Variants in TNR observed in about 807,000 individuals in gnomAD.
TNR encodes tenascin-R.
Under a neutral mutation model 150.4 loss-of-function variants are expected in TNR, and 45 were observed. The ratio of observed to expected loss-of-function variants is 0.30; its 90% CI spans 0.24 to 0.38. The LOEUF (loss-of-function observed/expected upper bound fraction) is 0.38. TNR is among the 10% of genes least tolerant of loss of function. The pLI, the probability that TNR is intolerant of heterozygous loss-of-function variation, is 1.00. For missense variants in TNR, 1,544 were observed against 1,759.1 expected (o/e 0.88, Z 2.19); for synonymous variants, 687 against 678.4 (o/e 1.01, Z -0.20).
At chr1:175,531,509 G>A (rs1432622998) in intron 1 of TNR, among the ~76,000 whole-genome samples, 1 of 152,132 alleles carries the variant, frequency 6.6e-6, no homozygotes, top group African/African-American at 2.4e-5. Flanking sequence ...TGGGGTACAG[G>A]GCTCATGGTC....
intron 1 of TNR, among the ~76,000 whole-genome samples, chr1:175,640,791 G>GTATATATATATATATATATATACATATA (rs59240572): frequency 7.0e-5 from 10 of 143,648 alleles, no homozygotes; most frequent in African/African-American, 2.6e-4. Context: ...GTGTGTGTGG[G>GTATATATATATATATATATATACATATA]TATATATATA....
rs561738716 is a variant in TNR, at chr1:175,459,870, CAA to C, written c.-63-53095_-63-53094del. Among the ~76,000 whole-genome samples, 434 of 78,586 alleles carry C rather than the reference CAA, an allele frequency of 5.5e-3. 5 individuals are homozygous for C. The highest frequency in any genetic ancestry group is 0.028 in the African/African-American group (413 of 14,538). 51.6% of individuals were successfully genotyped at this position (78,586 alleles called of 152,430 possible). A position where few individuals can be genotyped will look rare whatever the true frequency, so the allele number is the denominator to read the frequency against. On this transcript the variant is annotated intron_variant, in intron 2 of 22. Coordinates refer to ENST00000367674, the MANE Select transcript of TNR (RefSeq NM_003285.3). Reference sequence around the variant, plus strand: ...TTCATCTCCTATTGAAATGAAAGAACAAGAGAGAGAGAGAGAGAGAGTAGAAA... The same window carrying C: ...TTCATCTCCTATTGAAATGAAAGAACGAGAGAGAGAGAGAGAGAGTAGAAA...
chr1:175,734,001 C>T (rs925665951), intron 1 of TNR, among the ~76,000 whole-genome samples: 2 of 152,208 alleles, frequency 1.3e-5, no homozygotes, highest in African/African-American at 4.8e-5. Flanking sequence ...AGCCAACCTT[C>T]CCTTGAGCTC....
Position 175,501,331 on chromosome 1 carries a change from G to A in TNR, c.-64+26938C>T, listed in dbSNP as rs550906400. On this transcript the variant is annotated intron_variant, in intron 2 of 22. Coordinates refer to ENST00000367674, the MANE Select transcript of TNR (RefSeq NM_003285.3). Reference sequence around the variant, plus strand: ...AATGTGACCATGTAGCTAGGACCTAGGGGTGAGCTGCAGAAGTTGAGATCA... The same window carrying A: ...AATGTGACCATGTAGCTAGGACCTAAGGGTGAGCTGCAGAAGTTGAGATCA... 7.9e-5 allele frequency among the ~76,000 whole-genome samples: 12 copies of A among 152,336 alleles called. No homozygotes were observed. In the South Asian group the frequency reaches 2.3e-3, roughly 29 times the overall value.
chr1:175,499,548 A>T (rs922678308), intron 2 of TNR, among the ~76,000 whole-genome samples: 2 of 152,012 alleles, frequency 1.3e-5, no homozygotes, highest in South Asian at 4.2e-4. Flanking sequence ...GAACAATCAG[A>T]CTCTGCACCC....
intron 2 of TNR, among the ~76,000 whole-genome samples, chr1:175,509,811 T>G (rs1659096889): frequency 6.6e-6 from 1 of 152,210 alleles, no homozygotes; most frequent in African/African-American, 2.4e-5. Flanking sequence ...CCAGGGACCA[T>G]CTTGTACTGT....
At chr1:175,398,889 A>C (rs912451054) in intron 4 of TNR, among the ~76,000 whole-genome samples, 1 of 152,246 alleles carries the variant, frequency 6.6e-6, no homozygotes, top group African/African-American at 2.4e-5. Flanking sequence ...TAGTTCATGT[A>C]GAGATAATTA....
chr1:175,696,303 G>A (rs998715292), intron 1 of TNR, among the ~76,000 whole-genome samples: 6 of 144,920 alleles, frequency 4.1e-5, no homozygotes, highest in Non-Finnish European at 7.5e-5. Flanking sequence ...ACAGGTAAAT[G>A]GGCGGGCCAG....
intron 1 of TNR, among the ~76,000 whole-genome samples, chr1:175,678,831 C>T (rs1345135366): frequency 6.6e-6 from 1 of 152,208 alleles, no homozygotes; most frequent in Non-Finnish European, 1.5e-5. Flanking sequence ...CCCTGCCCTT[C>T]TGGGAAGGCA....
At chr1:175,413,308 G>A (rs1363576612) in intron 2 of TNR, among the ~76,000 whole-genome samples, 1 of 152,256 alleles carries the variant, frequency 6.6e-6, no homozygotes, top group Non-Finnish European at 1.5e-5. Context: ...TTACAGGCAT[G>A]AGCCACCGCG....
intron 9 of TNR, among the ~76,000 whole-genome samples, chr1:175,378,868 C>A (rs922389396): frequency 6.6e-6 from 1 of 152,236 alleles, no homozygotes; most frequent in Non-Finnish European, 1.5e-5. Context: ...ATGGCATAAT[C>A]AAAAATGTAC....
At chr1:175,423,737 G>A (rs1654851837) in intron 2 of TNR, among the ~76,000 whole-genome samples, 1 of 152,198 alleles carries the variant, frequency 6.6e-6, no homozygotes. Flanking sequence ...AGGCTGGCCT[G>A]AGCAGGGCTG....
chr1:175,377,101 C>G (rs563837119), intron 9 of TNR, among the ~76,000 whole-genome samples: 3 of 152,046 alleles, frequency 2.0e-5, no homozygotes, highest in African/African-American at 4.8e-5. Flanking sequence ...CCCTTGCTAG[C>G]CTTGTGAACT....
At chr1:175,622,039 G>A (rs1011648338) in intron 1 of TNR, among the ~76,000 whole-genome samples, 2 of 152,240 alleles carry the variant, frequency 1.3e-5, no homozygotes, top group African/African-American at 4.8e-5. Context: ...TAAGAGCATT[G>A]AGTGAGATAA....
chr1:175,329,208 A>C (rs1311469562), intron 21 of TNR, among the ~76,000 whole-genome samples: 1 of 152,246 alleles, frequency 6.6e-6, no homozygotes, highest in Non-Finnish European at 1.5e-5. Context: ...TGTTAAAATT[A>C]TACACCAGCA....
At chr1:175,724,516 A>G (rs1020590398) in intron 1 of TNR, among the ~76,000 whole-genome samples, 11 of 152,276 alleles carry the variant, frequency 7.2e-5, no homozygotes, top group African/African-American at 2.6e-4. Flanking sequence ...GGGGATTACA[A>G]TTCGACATGA....
intron 1 of TNR, among the ~76,000 whole-genome samples, chr1:175,641,281 G>A (rs376927944): frequency 6.6e-6 from 1 of 152,194 alleles, no homozygotes; most frequent in Non-Finnish European, 1.5e-5. Flanking sequence ...ATGGTGGGAC[G>A]GAGGGCAGGG....
At chr1:175,393,991 TG>T in intron 5 of TNR, 96 bp from the exon 6 acceptor site, 21 of 949,540 alleles carry the variant, frequency 2.2e-5, no homozygotes, top group Non-Finnish European at 3.5e-5. Context: ...CTCCACGCCA[TG>T]GGCGTGGTGG....
At chr1:175,466,005 T>G (rs1657018951) in intron 2 of TNR, among the ~76,000 whole-genome samples, 1 of 152,202 alleles carries the variant, frequency 6.6e-6, no homozygotes, top group Admixed American at 6.5e-5. Context: ...TGACCTCCAT[T>G]CTGCCTCTGG....
Sources: gnomAD v4.1 joint callset for allele counts (sites outside exome capture counted in the v4.1 genomes callset) on GRCh38, gnomAD v4.1.1 for gene constraint, MANE v1.5 for transcripts, NCBI Gene and HGNC (gene_info 2026-07-23, HGNC 2026-07-21) for gene names.